Variants in HMCN1 observed in about 807,000 individuals in gnomAD.
The protein encoded by HMCN1 is hemicentin 1.
HMCN1 carries 321 observed loss-of-function variants against 625.9 expected under a neutral mutation model. The observed-to-expected ratio is 0.51, with a 90% CI of 0.47 to 0.56. HMCN1 has a LOEUF of 0.56. HMCN1 is among the 20% of genes least tolerant of loss of function. The pLI, the probability that HMCN1 is intolerant of heterozygous loss-of-function variation, is 0.00. For synonymous variants in HMCN1, 2,425 were observed against 2,417.6 expected, an observed-to-expected ratio of 1.00 and a Z score of -0.09; for missense variants, 6,588 against 6,887.3, an observed-to-expected ratio of 0.96 and a Z score of 1.54.
intron 1 of HMCN1, among the ~76,000 whole-genome samples, chr1:185,770,010 A>T (rs1415478936): frequency 6.6e-6 from 1 of 152,160 alleles, no homozygotes; most frequent in Non-Finnish European, 1.5e-5. Flanking sequence ...GGGAGGGGAG[A>T]CTTTGCCTCT....
chr1:186,092,828 T>A (rs1659913324), intron 64 of HMCN1, among the ~76,000 whole-genome samples: 1 of 152,108 alleles, frequency 6.6e-6, no homozygotes, highest in Non-Finnish European at 1.5e-5. Flanking sequence ...GTCTTCAATT[T>A]TCATGCCAGA....
intron 1 of HMCN1, among the ~76,000 whole-genome samples, chr1:185,778,411 T>C (rs1170507025): frequency 2.0e-5 from 3 of 151,864 alleles, no homozygotes; most frequent in Admixed American, 6.6e-5. Flanking sequence ...GTTTGTTACA[T>C]ATGTATACAT....
rs747192672 is a variant in HMCN1 at position 185,984,211 on chromosome 1, C to T, written c.2833C>T (p.Leu945Phe). ...PYITVRSDGS[L>F]HIERVQLQDG... ...CATCACTGTGCGCAGTGATGGGAGCCTCCATATTGAAAGAGTTCAGCTTCA... is the reference window on the plus strand; with the variant it reads ...CATCACTGTGCGCAGTGATGGGAGCTTCCATATTGAAAGAGTTCAGCTTCA... Residue 945 changes from leucine (L) to phenylalanine (F), a missense_variant, in exon 19 of 107, where the codon CTC becomes TTC. This residue lies in a region of HMCN1 where 4,628 missense variants were observed against 4,853.1 expected (regional missense o/e 0.95). Coordinates refer to ENST00000271588, the MANE Select transcript of HMCN1 (RefSeq NM_031935.3). 5 of 1,613,412 alleles carry T rather than the reference C, an allele frequency of 3.1e-6. No individual in the cohort carries two copies. Among genetic ancestry groups the T allele is most frequent in the Non-Finnish European group, 4.2e-6 (5 of 1,179,484 alleles).
At chr1:186,079,994 T>A (rs1361771776) in intron 55 of HMCN1, among the ~76,000 whole-genome samples, 1 of 152,162 alleles carries the variant, frequency 6.6e-6, no homozygotes, top group Non-Finnish European at 1.5e-5. Context: ...CCTCTGCATG[T>A]CAGTGCCTGA....
intron 11 of HMCN1, among the ~76,000 whole-genome samples, chr1:185,941,348 T>C (rs1414450466): frequency 6.6e-6 from 1 of 152,194 alleles, no homozygotes; most frequent in Non-Finnish European, 1.5e-5. Flanking sequence ...TAAAAATCTA[T>C]ATGGTACTTA....
At chr1:186,005,520 T>G (rs1653562339) in intron 29 of HMCN1, among the ~76,000 whole-genome samples, 1 of 148,948 alleles carries the variant, frequency 6.7e-6, no homozygotes, top group Non-Finnish European at 1.5e-5. Context: ...TTTTAATTGT[T>G]TAAATTGTTT....
At chr1:185,883,879 ATT>A (rs1205211897) in intron 4 of HMCN1, among the ~76,000 whole-genome samples, 807 of 55,802 alleles carry the variant, frequency 0.014, 5 homozygotes, top group African/African-American at 0.046. Context: ...ATAGGTCATG[ATT>A]TTTTTTTTTT....
At chr1:185,900,326 G>A (rs545442121) in intron 4 of HMCN1, among the ~76,000 whole-genome samples, 3 of 152,080 alleles carry the variant, frequency 2.0e-5, no homozygotes, top group African/African-American at 4.8e-5. Flanking sequence ...AAGATATCTG[G>A]CAACTGCTGA....
chr1:186,190,150 G>A lies in HMCN1; in HGVS notation c.*272G>A. On this transcript the variant is annotated 3_prime_UTR_variant, in exon 107 of 107. Coordinates refer to ENST00000271588, the MANE Select transcript of HMCN1 (RefSeq NM_031935.3). ...AAAGATTATTCTGAACATCTAACAG[G>A]ACATATCAGTGATGGTTTACAGTAG... The A allele has an allele frequency of 2.0e-6, 1 of 498,698 alleles. No individual in the cohort carries two copies. Among genetic ancestry groups the A allele is most frequent in the Non-Finnish European group, 3.7e-6 (1 of 273,956 alleles). 30.9% of individuals were successfully genotyped at this position (498,698 alleles called of 1,614,324 possible).
chr1:186,078,599 G>A (rs1658971192), intron 55 of HMCN1, among the ~76,000 whole-genome samples: 1 of 152,168 alleles, frequency 6.6e-6, no homozygotes, highest in Non-Finnish European at 1.5e-5. Flanking sequence ...GATCCCCTTG[G>A]ATAGCAAGGT....
At chr1:185,941,730 T>C (rs1199567366) in intron 11 of HMCN1, among the ~76,000 whole-genome samples, 10 of 152,230 alleles carry the variant, frequency 6.6e-5, no homozygotes. Flanking sequence ...CATGTTTCAG[T>C]TACTTTTGCC....
chr1:186,128,035 T>C (rs779887377), intron 82 of HMCN1, 43 bp from the exon 83 acceptor site: 6 of 1,533,618 alleles, frequency 3.9e-6, no homozygotes, highest in South Asian at 1.1e-5. Flanking sequence ...TGTACTATGA[T>C]GGATGATTAT....
intron 22 of HMCN1, among the ~76,000 whole-genome samples, chr1:185,992,404 T>C (rs972948618): frequency 2.6e-5 from 4 of 152,200 alleles, no homozygotes; most frequent in Non-Finnish European, 5.9e-5. Context: ...TGGACTTCAA[T>C]CTATCTGAAT....
rs202162661 is a variant in HMCN1, at chr1:186,114,178, A to AT, written c.11276+63dup. On this transcript the variant is annotated intron_variant, in intron 73 of 106. Coordinates refer to ENST00000271588, the MANE Select transcript of HMCN1 (RefSeq NM_031935.3). ...ATAAGACCTGAAATACAAATTCTTA[A>AT]TTTTTTTTCCTAGTGCACTATTTTG... is the stretch of plus-strand genomic sequence containing the variant. 8,005 of 1,596,974 alleles carry AT rather than the reference A, an allele frequency of 5.0e-3. 27 individuals are homozygous for AT. The highest frequency in any genetic ancestry group is 5.6e-3 in the Non-Finnish European group (6,509 of 1,165,302).
chr1:185,990,477 A>C, intron 22 of HMCN1, 34 bp downstream of exon 22: 2 of 1,584,492 alleles, frequency 1.3e-6, no homozygotes, highest in Non-Finnish European at 1.7e-6. Context: ...AACACATGAA[A>C]ACATAATCAA....
chr1:186,184,103 G>A (rs980680040), intron 105 of HMCN1, among the ~76,000 whole-genome samples: 7 of 152,044 alleles, frequency 4.6e-5, no homozygotes, highest in Non-Finnish European at 1.0e-4. Context: ...AGTTCAAAAC[G>A]TTCTTCAGCT....
chr1:185,923,610 C>G lies in HMCN1; in HGVS notation c.1242C>G (p.Leu414=). ...KVTGYDKDDY[L]FQRVSSVSFS... is the part of the protein sequence containing the mutation. Reference sequence around the variant, plus strand: ...CAGGCTATGATAAAGATGATTACCTCTTCCAGAGAGTATCAAGTGTTTCCT... The same window carrying G: ...CAGGCTATGATAAAGATGATTACCTGTTCCAGAGAGTATCAAGTGTTTCCT... Residue 414 remains leucine, a synonymous_variant, in exon 8 of 107, where the codon CTC becomes CTG. Coordinates refer to ENST00000271588, the MANE Select transcript of HMCN1 (RefSeq NM_031935.3). 1.9e-6 allele frequency: 3 copies of G among 1,608,202 alleles called. No homozygotes were observed. Among genetic ancestry groups the G allele is most frequent in the Non-Finnish European group, 2.5e-6 (3 of 1,177,476 alleles).
intron 4 of HMCN1, among the ~76,000 whole-genome samples, chr1:185,876,342 A>C (rs989466421): frequency 6.6e-6 from 1 of 151,884 alleles, no homozygotes; most frequent in Non-Finnish European, 1.5e-5. Flanking sequence ...TTATTCCATG[A>C]CTTTTTTCAG....
intron 1 of HMCN1, among the ~76,000 whole-genome samples, chr1:185,783,609 A>G (rs1657317986): frequency 6.6e-6 from 1 of 152,126 alleles, no homozygotes; most frequent in Non-Finnish European, 1.5e-5. Flanking sequence ...CTGGAGGTCC[A>G]CTCCAGACCC....
Sources: gnomAD v4.1 joint callset for allele counts (sites outside exome capture counted in the v4.1 genomes callset) on GRCh38, gnomAD v4.1.1 for gene constraint, gnomAD v4.1.1 regional missense constraint, MANE v1.5 for transcripts, NCBI Gene and HGNC (gene_info 2026-07-23, HGNC 2026-07-21) for gene names.